The following FAM219B variants were observed in gnomAD, a reference collection of about 807,000 sequenced individuals.
FAM219B encodes the protein protein FAM219B.
FAM219B carries 18 observed loss-of-function variants against 19.9 expected under a neutral mutation model. The ratio of observed to expected loss-of-function variants is 0.91; its 90% CI spans 0.63 to 1.34. FAM219B has a LOEUF of 1.34. FAM219B is among the 40% of genes most tolerant of loss of function. The probability of loss-of-function intolerance (pLI) is 0.00; values close to 1 mark genes in which losing one functional copy is unlikely to be tolerated. For synonymous variants in FAM219B, 123 were observed against 117.5 expected (o/e 1.05, Z -0.30); for missense variants, 283 against 270.5 (o/e 1.05, Z -0.32).
intron 4 of FAM219B, among the ~76,000 whole-genome samples, chr15:74,904,272 G>C (rs2065094426): frequency 6.6e-6 from 1 of 152,214 alleles, no homozygotes; most frequent in Non-Finnish European, 1.5e-5. Flanking sequence ...CCTTTTGTAA[G>C]CTGTGGCCTA....
At chr15:74,899,242 C>T (rs2064870176), downstream of FAM219B, 1 of 152,226 alleles carries the variant, frequency 6.6e-6, no homozygotes, top group South Asian at 2.1e-4. Context: ...CCTGTCACCA[C>T]AGACTAATCA....
intron 4 of FAM219B, among the ~76,000 whole-genome samples, chr15:74,903,532 C>T (rs1168097242): frequency 3.0e-5 from 4 of 133,282 alleles, no homozygotes; most frequent in Non-Finnish European, 6.2e-5. Context: ...ACCTGGGAGG[C>T]GGAGCTTCCA....
chr15:74,904,354 C>G (rs533169770), intron 4 of FAM219B, among the ~76,000 whole-genome samples: 3 of 152,248 alleles, frequency 2.0e-5, no homozygotes, highest in African/African-American at 4.8e-5. Context: ...TCTTGGAACT[C>G]CTGGGCTCAA....
chr15:74,904,491 C>T (rs974808609), intron 4 of FAM219B, among the ~76,000 whole-genome samples, 173 bp downstream of exon 4: 3 of 152,198 alleles, frequency 2.0e-5, no homozygotes, highest in African/African-American at 7.2e-5. Context: ...TCTCAACAGC[C>T]CTCCTTGGTC....
chr15:74,903,220 T>G (rs2065037569), intron 4 of FAM219B, among the ~76,000 whole-genome samples: 2 of 152,202 alleles, frequency 1.3e-5, no homozygotes, highest in Non-Finnish European at 2.9e-5. Flanking sequence ...GTCTACACAC[T>G]GCTGGTTAGA....
At chr15:74,903,617 A>G (rs936601294) in intron 4 of FAM219B, among the ~76,000 whole-genome samples, 20 of 146,452 alleles carry the variant, frequency 1.4e-4, no homozygotes, top group Admixed American at 5.4e-4. Flanking sequence ...AAAAAAAAAA[A>G]AAAAAAAGAA....
intron 2 of FAM219B, 50 bp from the exon 3 acceptor site, chr15:74,905,281 A>G: frequency 1.3e-6 from 2 of 1,576,138 alleles, no homozygotes; most frequent in Non-Finnish European, 1.7e-6. Context: ...AAGCATAGGC[A>G]TTTCACAGGG....
chr15:74,902,741 G>A lies in FAM219B; in HGVS notation c.475C>T (p.His159Tyr), dbSNP rs373370645. ...VSRQLLQDGY[H>Y]LDEIPDDEDL... ...TCGTCATCTGGAATCTCATCCAGGTGATACCCATCCTGAAGCAGCTGCCGG... is the reference window on the plus strand; with the variant it reads ...TCGTCATCTGGAATCTCATCCAGGTAATACCCATCCTGAAGCAGCTGCCGG... Residue 159 changes from histidine to tyrosine, a missense_variant, in exon 5 of 5, where the codon CAC becomes TAC. By Grantham distance (83) the His-to-Tyr change is moderately conservative. Coordinates refer to ENST00000357635, the MANE Select transcript of FAM219B (RefSeq NM_020447.5). 4.3e-5 allele frequency: 69 copies of A among 1,612,114 alleles called. No homozygotes were observed. Among genetic ancestry groups the A allele is most frequent in the African/African-American group, 1.2e-4 (9 of 74,904 alleles).
intron 4 of FAM219B, among the ~76,000 whole-genome samples, chr15:74,903,191 G>C (rs1026465629): frequency 6.6e-6 from 1 of 152,128 alleles, no homozygotes; most frequent in Non-Finnish European, 1.5e-5. Context: ...TACAGTGGAA[G>C]GGGGTGGTGA....
intron 2 of FAM219B, chr15:74,906,027 G>A (rs2065172885): frequency 2.1e-6 from 1 of 485,640 alleles, no homozygotes. Flanking sequence ...CCCTAACAGA[G>A]GAGGAGAATG....
intron 1 of FAM219B, 90 bp downstream of exon 1, chr15:74,906,497 G>A (rs1448643263): frequency 6.7e-7 from 1 of 1,486,276 alleles, no homozygotes; most frequent in Non-Finnish European, 9.0e-7. Context: ...TCCCTCCGGG[G>A]CCGAGGCCCA....
downstream of FAM219B, chr15:74,899,291 A>C (rs1267712495): frequency 2.0e-5 from 3 of 152,206 alleles, no homozygotes; most frequent in Non-Finnish European, 4.4e-5. Context: ...TAAAGGTTTA[A>C]ATTCATGCAA....
rs758489824 is a variant in FAM219B, at chr15:74,904,688, G to A, written c.405C>T (p.Tyr135=). 1.2e-6 allele frequency: 2 copies of A among 1,614,224 alleles called. No individual in the cohort carries two copies. Among genetic ancestry groups the A allele is most frequent in the Middle Eastern group, 1.6e-4 (1 of 6,062 alleles). Residue 135 remains tyrosine, a synonymous_variant, in exon 4 of 5, where the codon TAC becomes TAT. Transcript: ENST00000357635. The part of the protein sequence containing the change: ...SDSDGELGSR[Y]SSGYSSAEQV... ...CCTCTGCAGATGAATACCCGGAGGAGTATCTGGATCCCAGCTCCCCATCAC... is the reference window on the plus strand; with the variant it reads ...CCTCTGCAGATGAATACCCGGAGGAATATCTGGATCCCAGCTCCCCATCAC...
rs911920660 is a variant in FAM219B at position 74,906,805 on chromosome 15, G to T, written c.-5C>A. 1 of 1,279,796 alleles carries T rather than the reference G, an allele frequency of 7.8e-7. No homozygotes were observed. Among genetic ancestry groups the T allele is most frequent in the Non-Finnish European group, 9.8e-7 (1 of 1,015,372 alleles). The allele number at this position is 1,279,796 out of a possible 1,614,324, so 79.3% of individuals were successfully genotyped here. ...GCTGGGCTCCGCGGTCGCCATGGCC[G>T]GGCCCCGCCCTGCCGGATGGTGCAA... is the stretch of plus-strand genomic sequence containing the variant. On this transcript the variant is annotated 5_prime_UTR_variant, in exon 1 of 5. Transcript: ENST00000357635.
chr15:74,903,319 G>A (rs1225034512), intron 4 of FAM219B, among the ~76,000 whole-genome samples: 1 of 152,156 alleles, frequency 6.6e-6, no homozygotes, highest in African/African-American at 2.4e-5. Flanking sequence ...AGAAAAATAA[G>A]GCTGGGCGTG....
intron 4 of FAM219B, among the ~76,000 whole-genome samples, chr15:74,903,738 A>T (rs1172367151): frequency 6.6e-6 from 1 of 152,158 alleles, no homozygotes; most frequent in Admixed American, 6.6e-5. Flanking sequence ...ATTCTCTGTG[A>T]CAGAAACTCA....
intron 3 of FAM219B, 172 bp from the exon 4 acceptor site, chr15:74,904,884 T>G (rs2065121043): frequency 4.9e-6 from 7 of 1,439,232 alleles, no homozygotes; most frequent in Admixed American, 3.9e-5. Context: ...CAATTGGTTC[T>G]GGCAGGGACA....
At chr15:74,898,918 T>C (rs538111152), downstream of FAM219B, 1 of 152,404 alleles carries the variant, frequency 6.6e-6, no homozygotes, top group East Asian at 1.9e-4. Context: ...TACCTGTTCA[T>C]TTCCATACTG....
chr15:74,900,362 G>A lies in FAM219B; in HGVS notation c.*2257C>T, dbSNP rs1306085986. On this transcript the variant is annotated 3_prime_UTR_variant, in exon 5 of 5. Transcript: ENST00000357635. ...GGGACAGTTGCAGCTGAATATGCCAGAGCTGATTATTACAACAACGATGCA... is the reference window on the plus strand; with the variant it reads ...GGGACAGTTGCAGCTGAATATGCCAAAGCTGATTATTACAACAACGATGCA... 1 of 152,256 alleles carries A rather than the reference G, an allele frequency of 6.6e-6. No homozygotes were observed. Among genetic ancestry groups the A allele is most frequent in the Non-Finnish European group, 1.5e-5 (1 of 68,114 alleles). 9.4% of individuals were successfully genotyped at this position (152,256 alleles called of 1,614,324 possible). A position where few individuals can be genotyped will look rare whatever the true frequency, so the allele number is the denominator to read the frequency against.
Sources: gnomAD v4.1 joint callset for allele counts (sites outside exome capture counted in the v4.1 genomes callset) on GRCh38, gnomAD v4.1.1 for gene constraint, MANE v1.5 for transcripts, NCBI Gene and HGNC (gene_info 2026-07-23, HGNC 2026-07-21) for gene names.